The following TTC39B variants were observed in gnomAD, a reference collection of about 807,000 sequenced individuals.
The protein encoded by TTC39B is tetratricopeptide repeat domain 39B, also known as tetratricopeptide repeat protein 39B.
In TTC39B, 92 loss-of-function variants were observed where a neutral mutation model predicts 96.6. The observed-to-expected ratio is 0.95, with a 90% CI of 0.80 to 1.13. The LOEUF is 1.13. TTC39B is among the 50% of genes most tolerant of loss of function. The pLI, the probability that TTC39B is intolerant of heterozygous loss-of-function variation, is 0.00. For missense variants in TTC39B, 955 were observed against 809.3 expected, an observed-to-expected ratio of 1.18 and a Z score of -2.18; for synonymous variants, 367 against 299.4, an observed-to-expected ratio of 1.23 and a Z score of -2.33.
chr9:15,286,162 C>G (rs528459668), intron 1 of TTC39B, among the ~76,000 whole-genome samples: 14 of 152,354 alleles, frequency 9.2e-5, no homozygotes, highest in African/African-American at 3.1e-4. Flanking sequence ...CTATTGCCCA[C>G]AATCCAATTC....
chr9:15,199,850 T>A lies in TTC39B; in HGVS notation c.824+11A>T. ...AATTATTTACAAACCACATCTTACT[T>A]TTTAACTTACTTATATATTTGGTAA... On this transcript the variant is annotated intron_variant, in intron 8 of 19. Coordinates refer to ENST00000512701, the Ensembl canonical transcript of TTC39B. 6.8e-7 allele frequency: 1 copy of A among 1,473,160 alleles called. No individual in the cohort carries two copies. Among genetic ancestry groups the A allele is most frequent in the African/African-American group, 1.4e-5 (1 of 71,622 alleles). 91.3% of individuals were successfully genotyped at this position (1,473,160 alleles called of 1,614,324 possible).
At chr9:15,218,529 C>T (rs1012239015) in intron 3 of TTC39B, among the ~76,000 whole-genome samples, 10 of 151,904 alleles carry the variant, frequency 6.6e-5, no homozygotes, top group East Asian at 1.9e-4. Context: ...GAGACATGCC[C>T]GAGTGCCCTT....
At chr9:15,174,884 G>A (rs1199988349) in intron 19 of TTC39B, 135 bp downstream of exon 19, 1 of 683,782 alleles carries the variant, frequency 1.5e-6, no homozygotes. Flanking sequence ...AAATCAACCA[G>A]AAGTTAGCAA....
At chr9:15,300,809 C>T (rs958132844) in intron 1 of TTC39B, among the ~76,000 whole-genome samples, 1 of 146,452 alleles carries the variant, frequency 6.8e-6, no homozygotes, top group African/African-American at 2.5e-5. Flanking sequence ...TCGGTTGAAC[C>T]CAGGCTGTGG....
chr9:15,264,651 T>A (rs1823060966), intron 2 of TTC39B, among the ~76,000 whole-genome samples: 1 of 126,662 alleles, frequency 7.9e-6, no homozygotes, highest in Admixed American at 7.3e-5. Context: ...CGAGACTCTG[T>A]CTTAAAAAAA....
intron 1 of TTC39B, among the ~76,000 whole-genome samples, chr9:15,281,060 C>A (rs1326249860): frequency 6.6e-6 from 1 of 151,362 alleles, no homozygotes. Context: ...AGTCCCTATT[C>A]TGGAAGAGGT....
At chr9:15,246,162 A>T (rs57043384) in intron 2 of TTC39B, among the ~76,000 whole-genome samples, 1,674 of 152,286 alleles carry the variant, frequency 0.011, 26 homozygotes, top group African/African-American at 0.038. Flanking sequence ...CTGAGGCAGG[A>T]GAATTGCTTG....
chr9:15,302,439 A>C (rs1824625790), intron 1 of TTC39B, among the ~76,000 whole-genome samples: 2 of 145,002 alleles, frequency 1.4e-5, no homozygotes, highest in Admixed American at 7.2e-5. Flanking sequence ...ATATGGTGAA[A>C]CCTCGTCTCT....
chr9:15,234,439 C>T (rs529047705), intron 2 of TTC39B, among the ~76,000 whole-genome samples: 1 of 151,760 alleles, frequency 6.6e-6, no homozygotes, highest in Admixed American at 6.6e-5. Flanking sequence ...CCAGCCGCCC[C>T]GTCTGGGAGG....
intron 1 of TTC39B, among the ~76,000 whole-genome samples, chr9:15,285,658 T>C (rs1275145795): frequency 6.6e-6 from 1 of 152,078 alleles, no homozygotes; most frequent in Non-Finnish European, 1.5e-5. Context: ...ATGGAGACCA[T>C]CCTGGCTAAC....
intron 18 of TTC39B, 105 bp downstream of exon 18, chr9:15,177,588 CAAGT>C: frequency 1.4e-6 from 1 of 700,590 alleles, no homozygotes; most frequent in Non-Finnish European, 2.4e-6. Flanking sequence ...CTGGTAACAC[CAAGT>C]AAGAGTTTAG....
At chr9:15,165,875 C>T (rs1173328052) in exon 20 of TTC39B, 2 of 152,132 alleles carry the variant, frequency 1.3e-5, no homozygotes, top group Admixed American at 6.5e-5. Context: ...ACCATATCAA[C>T]CACACAGCAC....
At chr9:15,267,921 T>G in exon 2 of TTC39B, 1 of 1,610,376 alleles carries the variant, frequency 6.2e-7, no homozygotes, top group Non-Finnish European at 8.5e-7. Flanking sequence ...TACATTGAGA[T>G]GGTTTCCAAG....
In TTC39B at chr9:15,187,982, T is replaced by C. The variant is rs771815650; in HGVS notation, c.1384A>G (p.Lys462Glu). 3.1e-6 allele frequency: 5 copies of C among 1,593,524 alleles called. No homozygotes were observed. In the South Asian group the frequency reaches 3.5e-5, roughly 11 times the overall value. Residue 462 changes from lysine (K) to glutamate (E), a missense_variant, in exon 14 of 20, where the codon AAA becomes GAA. Coordinates refer to ENST00000512701, the Ensembl canonical transcript of TTC39B. The stretch of plus-strand genomic sequence containing the variant: ...GTATTGCACTTTACCTTGGACCATT[T>C]ACTCTCTTTGCAAAGCAGATCTGAA...
chr9:15,228,046 G>A (rs1294345316), intron 2 of TTC39B, among the ~76,000 whole-genome samples: 2 of 151,910 alleles, frequency 1.3e-5, no homozygotes, highest in Admixed American at 1.3e-4. Context: ...CTTTTGCCAT[G>A]TTTCCCAAGA....
At chr9:15,235,264 GAA>G (rs889580634) in intron 2 of TTC39B, among the ~76,000 whole-genome samples, 8 of 151,796 alleles carry the variant, frequency 5.3e-5, no homozygotes, top group Non-Finnish European at 1.0e-4. Flanking sequence ...CAAAAATAAA[GAA>G]AAAAGAATTT....
At chr9:15,245,515 A>T (rs978607829) in intron 2 of TTC39B, among the ~76,000 whole-genome samples, 1 of 152,058 alleles carries the variant, frequency 6.6e-6, no homozygotes, top group Admixed American at 6.6e-5. Context: ...AAATAAAAAC[A>T]AAAACACCTA....
chr9:15,190,451 T>C (rs1818790278), intron 11 of TTC39B, 103 bp downstream of exon 11: 2 of 978,008 alleles, frequency 2.0e-6, no homozygotes, highest in Non-Finnish European at 3.2e-6. Flanking sequence ...GTTCAACTGA[T>C]CCTCCCACCT....
chr9:15,270,259 A>G (rs939269459), intron 1 of TTC39B, among the ~76,000 whole-genome samples: 3 of 152,176 alleles, frequency 2.0e-5, no homozygotes, highest in Non-Finnish European at 4.4e-5. Context: ...ATCATACTCC[A>G]TAAGGGAGGT....
Sources: allele counts gnomAD v4.1 joint callset (sites outside exome capture counted in the v4.1 genomes callset), GRCh38; gene constraint gnomAD v4.1.1; transcripts MANE v1.5; gene names NCBI Gene and HGNC (gene_info 2026-07-23, HGNC 2026-07-21).